WDR27: variants seen among roughly 807,000 people sequenced by gnomAD.
The protein encoded by WDR27 is WD repeat-containing protein 27.
In WDR27, 100 loss-of-function variants were observed where a neutral mutation model predicts 114.4. That is an observed-to-expected ratio of 0.87 (90% CI 0.74 to 1.03). WDR27 has a LOEUF of 1.03. WDR27 is among the 50% of genes least tolerant of loss of function. The pLI, the probability that WDR27 is intolerant of heterozygous loss-of-function variation, is 0.00. For synonymous variants in WDR27, 449 were observed against 423.1 expected (o/e 1.06, Z -0.75); for missense variants, 1,129 against 1,092.9 (o/e 1.03, Z -0.47).
At chr6:169,632,540 C>A (rs998745052) in intron 21 of WDR27, among the ~76,000 whole-genome samples, 1 of 152,106 alleles carries the variant, frequency 6.6e-6, no homozygotes, top group African/African-American at 2.4e-5. Flanking sequence ...TAAACTTTGT[C>A]TCTGTCAAAA....
intron 18 of WDR27, among the ~76,000 whole-genome samples, chr6:169,636,964 TTTAA>T: frequency 6.6e-6 from 1 of 152,218 alleles, no homozygotes; most frequent in African/African-American, 2.4e-5. Flanking sequence ...CTAGGTCTTC[TTTAA>T]TTGACACTTC....
intron 2 of WDR27, among the ~76,000 whole-genome samples, chr6:169,676,768 A>G (rs1253767454): frequency 6.6e-6 from 1 of 152,160 alleles, no homozygotes; most frequent in East Asian, 1.9e-4. Context: ...GAATCCACCT[A>G]TGACCTGGAA....
chr6:169,648,542 A>G (rs532382248), intron 15 of WDR27, among the ~76,000 whole-genome samples: 1 of 152,392 alleles, frequency 6.6e-6, no homozygotes, highest in East Asian at 1.9e-4. Flanking sequence ...ACGTGGCAGG[A>G]CAGCAGCAAG....
At chr6:169,462,850 T>G (rs981007974) in intron 25 of WDR27, among the ~76,000 whole-genome samples, 5 of 152,170 alleles carry the variant, frequency 3.3e-5, no homozygotes, top group Admixed American at 2.6e-4. Context: ...ATAAAATTAA[T>G]GATACAAAAC....
At position 169,620,722 on chromosome 6, in the gene WDR27, G is replaced by A. The variant is rs77165209; in HGVS notation, c.2224-7066C>T. ...GAACTCCTGATGCTATGTCATGGGTGCATCCTTAACCTTGGTGAAATAAAC... is the reference window on the plus strand; with the variant it reads ...GAACTCCTGATGCTATGTCATGGGTACATCCTTAACCTTGGTGAAATAAAC... On this transcript the variant is annotated intron_variant, in intron 21 of 25. Transcript: ENST00000448612. Among the ~76,000 whole-genome samples the A allele has an allele frequency of 2.4e-3, 364 of 152,288 alleles. 3 individuals are homozygous for A. Among genetic ancestry groups the A allele is most frequent in the African/African-American group, 8.4e-3 (349 of 41,556 alleles).
At chr6:169,687,048 A>C (rs1262523447) in intron 2 of WDR27, among the ~76,000 whole-genome samples, 1 of 152,114 alleles carries the variant, frequency 6.6e-6, no homozygotes, top group Non-Finnish European at 1.5e-5. Flanking sequence ...TTAGATAGTA[A>C]GAATAAGTTC....
intron 13 of WDR27, among the ~76,000 whole-genome samples, chr6:169,654,703 G>C (rs1250078453): frequency 6.7e-6 from 1 of 150,260 alleles, no homozygotes; most frequent in African/African-American, 2.5e-5. Flanking sequence ...AGCTGAGGAG[G>C]AGGCGCGCAC....
In WDR27 at chr6:169,632,980, G is replaced by A. The variant is rs1816779284; in HGVS notation, c.2190C>T (p.His730=). Residue 730 remains histidine (H), a synonymous_variant, in exon 21 of 26, where the codon CAC becomes CAT. Transcript: ENST00000448612. Reference sequence around the variant, plus strand: ...GGCAGATTTGATGGACAGGCCGTGAGTGGGCTTCCGCTATCACCGCTGCAC... The same window carrying A: ...GGCAGATTTGATGGACAGGCCGTGAATGGGCTTCCGCTATCACCGCTGCAC... ...GCSAAVIAEA[H]SRPVHQICQN... is the part of the protein sequence containing the mutation. 6.3e-7 allele frequency: 1 copy of A among 1,595,472 alleles called. No homozygotes were observed. The highest frequency in any genetic ancestry group is 2.3e-5 in the East Asian group (1 of 44,244).
At chr6:169,635,186 T>C (rs1353002602) in intron 19 of WDR27, among the ~76,000 whole-genome samples, 1 of 150,864 alleles carries the variant, frequency 6.6e-6, no homozygotes, top group African/African-American at 2.4e-5. Flanking sequence ...GCCAACATAG[T>C]GCAACCCCGT....
Position 169,457,448 on chromosome 6 carries a change from A to C in WDR27, c.*144T>G. 1 of 641,828 alleles carries C rather than the reference A, an allele frequency of 1.6e-6. No individual in the cohort carries two copies. Among genetic ancestry groups the C allele is most frequent in the Non-Finnish European group, 2.6e-6 (1 of 382,414 alleles). 39.8% of individuals were successfully genotyped at this position (641,828 alleles called of 1,614,324 possible). ...GCACACACAGAGGGGAGGAGCTTGC[A>C]AACGGGGGAAATCTGAGGCAAGTCT... On this transcript the variant is annotated 3_prime_UTR_variant, in exon 26 of 26. Transcript: ENST00000448612.
downstream of WDR27, among the ~76,000 whole-genome samples, chr6:169,454,814 G>A (rs973145241): frequency 3.3e-5 from 5 of 152,176 alleles, no homozygotes; most frequent in African/African-American, 9.7e-5. Context: ...AGACAGAGCC[G>A]GGGCTCATCC....
intron 23 of WDR27, among the ~76,000 whole-genome samples, chr6:169,588,235 T>C (rs1805034742): frequency 6.6e-6 from 1 of 152,134 alleles, no homozygotes; most frequent in South Asian, 2.1e-4. Flanking sequence ...GGGACTACAG[T>C]TGAGTTTATG....
downstream of WDR27, among the ~76,000 whole-genome samples, chr6:169,452,507 GA>G (rs781471955): frequency 0.018 from 335 of 18,792 alleles, 2 homozygotes; most frequent in Admixed American, 0.045. Context: ...GGTCAGAGAG[GA>G]GCCGTGCGTG....
chr6:169,586,931 G>A (rs139849660), intron 23 of WDR27, among the ~76,000 whole-genome samples: 2 of 143,222 alleles, frequency 1.4e-5, no homozygotes, highest in African/African-American at 2.6e-5. Flanking sequence ...CCAGGAAAAC[G>A]TTCTCACTGT....
intron 25 of WDR27, among the ~76,000 whole-genome samples, chr6:169,477,640 T>C (rs991123839): frequency 6.6e-6 from 1 of 152,170 alleles, no homozygotes; most frequent in African/African-American, 2.4e-5. Context: ...GGTTTCTCCA[T>C]GTTAGCTAGG....
chr6:169,680,934 A>G (rs952442789), intron 2 of WDR27, among the ~76,000 whole-genome samples: 6 of 152,244 alleles, frequency 3.9e-5, no homozygotes, highest in East Asian at 1.9e-4. Flanking sequence ...TGGAAGACAG[A>G]TAAGTTCACA....
chr6:169,552,326 G>A (rs926289391), intron 25 of WDR27, among the ~76,000 whole-genome samples: 6 of 151,908 alleles, frequency 3.9e-5, no homozygotes, highest in South Asian at 2.1e-4. Flanking sequence ...ATTATTGTTC[G>A]TCTCCCCCAC....
At chr6:169,660,477 G>T (rs946454179) in intron 10 of WDR27, among the ~76,000 whole-genome samples, 186 bp downstream of exon 10, 4 of 152,274 alleles carry the variant, frequency 2.6e-5, no homozygotes, top group African/African-American at 7.2e-5. Flanking sequence ...CGAGGGTCCG[G>T]GAAGGGCCCT....
chr6:169,589,344 C>T (rs1805259092), intron 23 of WDR27, among the ~76,000 whole-genome samples: 1 of 152,148 alleles, frequency 6.6e-6, no homozygotes, highest in African/African-American at 2.4e-5. Flanking sequence ...CTCAACAGCA[C>T]TATGAAGAAA....
Sources: allele counts gnomAD v4.1 joint callset (sites outside exome capture counted in the v4.1 genomes callset), GRCh38; gene constraint gnomAD v4.1.1; transcripts MANE v1.5; gene names NCBI Gene and HGNC (gene_info 2026-07-23, HGNC 2026-07-21).